The following TYMS variants were observed in gnomAD, a reference collection of about 807,000 sequenced individuals.
The protein encoded by TYMS is thymidylate synthetase, also known as thymidylate synthase.
Under a neutral mutation model 39.3 loss-of-function variants are expected in TYMS, and 21 were observed. The observed-to-expected ratio is 0.54, with a 90% CI of 0.38 to 0.77. The LOEUF (loss-of-function observed/expected upper bound fraction) is 0.77, where lower values mean the gene tolerates loss of function less well. Ranked by LOEUF, TYMS falls within the 30% of genes least tolerant of loss-of-function variation. The pLI is 0.00. For missense variants in TYMS, 273 were observed against 406.7 expected, an observed-to-expected ratio of 0.67 and a Z score of 2.83; for synonymous variants, 171 against 162.2, an observed-to-expected ratio of 1.05 and a Z score of -0.41.
chr18:673,300 C>A lies in TYMS; in HGVS notation c.*303C>A. 4.0e-6 allele frequency: 1 copy of A among 250,232 alleles called. No homozygotes were observed. The highest frequency in any genetic ancestry group is 6.0e-5 in the East Asian group (1 of 16,574). The allele number at this position is 250,232 out of a possible 1,614,324, so 15.5% of individuals were successfully genotyped here. On this transcript the variant is annotated 3_prime_UTR_variant, in exon 7 of 7. Transcript: ENST00000323274. ...AACATGTATGTGCATTTCAATCCCA[C>A]GTACTTATAAAGAAGGTTGGTGAAT...
At chr18:666,963 A>ATGGT (rs2074840641) in intron 3 of TYMS, among the ~76,000 whole-genome samples, 8 of 15,912 alleles carry the variant, frequency 5.0e-4, no homozygotes, top group East Asian at 2.7e-3. Context: ...ATGGAGATGG[A>ATGGT]GATGGTGATG....
At chr18:662,381 C>T (rs1417025488) in intron 3 of TYMS, 61 bp downstream of exon 3, 40 of 1,474,158 alleles carry the variant, frequency 2.7e-5, no homozygotes, top group South Asian at 6.7e-5. Context: ...GTGTTTGCTC[C>T]GTTGTTTTAG....
intron 2 of TYMS, among the ~76,000 whole-genome samples, chr18:661,891 A>T (rs1274600665): frequency 6.6e-6 from 1 of 152,258 alleles, no homozygotes. Context: ...AGGCTGAGGC[A>T]GGGGAATCGC....
chr18:668,606 T>G (rs548541784), intron 3 of TYMS, among the ~76,000 whole-genome samples: 52 of 152,354 alleles, frequency 3.4e-4, no homozygotes, highest in African/African-American at 9.4e-4. Context: ...GGTCCTCTGT[T>G]AGTTGGAAAG....
At chr18:659,775 T>G in intron 2 of TYMS, 61 bp downstream of exon 2, 1 of 1,457,408 alleles carries the variant, frequency 6.9e-7, no homozygotes, top group Non-Finnish European at 9.6e-7. Context: ...GCCAGTGAGA[T>G]CCTTTCAAAA....
intron 6 of TYMS, 36 bp from the exon 7 acceptor site, chr18:672,824 A>C: frequency 6.5e-7 from 1 of 1,541,502 alleles, no homozygotes; most frequent in Non-Finnish European, 8.9e-7. Flanking sequence ...CAGGTCGTAC[A>C]ATTATGGCAA....
At chr18:672,284 G>A (rs1329034091) in intron 6 of TYMS, 1 of 152,240 alleles carries the variant, frequency 6.6e-6, no homozygotes, top group Non-Finnish European at 1.5e-5. Context: ...GGTTTTAAAA[G>A]TTACTCCTTT....
At chr18:668,915 C>T (rs545918471) in intron 3 of TYMS, among the ~76,000 whole-genome samples, 157 bp from the exon 4 acceptor site, 7 of 152,230 alleles carry the variant, frequency 4.6e-5, no homozygotes, top group East Asian at 3.9e-4. Flanking sequence ...CTCAACCCAC[C>T]GAGATCTGCA....
At chr18:662,100 T>C (rs1282627878) in intron 2 of TYMS, 46 bp from the exon 3 acceptor site, 2 of 1,551,626 alleles carry the variant, frequency 1.3e-6, no homozygotes, top group African/African-American at 2.8e-5. Context: ...CTGAGATGGC[T>C]TAGGATTTAC....
At position 657,887 on chromosome 18, in the gene TYMS, G is replaced by T; in HGVS notation, c.145G>T (p.Asp49Tyr). The T allele has an allele frequency of 6.6e-7, 1 of 1,512,152 alleles. No homozygotes were observed. The highest frequency in any genetic ancestry group is 1.4e-5 in the South Asian group (1 of 73,992). The allele number at this position is 1,512,152 out of a possible 1,614,324, so 93.7% of individuals were successfully genotyped here. The change falls in exon 1 of 7, where the codon GAC becomes TAC. Residue 49 changes from aspartate (D) to tyrosine (Y), a missense_variant. Physicochemically the swap from Asp to Tyr is radical, Grantham distance 160. Coordinates refer to ENST00000323274, the MANE Select transcript of TYMS (RefSeq NM_001071.4). ...HILRCGVRKD[D>Y]RTGTGTLSVF... ...CCTCCGCTGCGGCGTCAGGAAGGAC[G>T]ACCGCACGGGCACCGGCACCCTGTC...
chr18:673,035 T>TA lies in TYMS; in HGVS notation c.*38_*39insA. 1 of 1,486,250 alleles carries TA rather than the reference T, an allele frequency of 6.7e-7. No individual in the cohort carries two copies. Among genetic ancestry groups the TA allele is most frequent in the Non-Finnish European group, 9.1e-7 (1 of 1,099,818 alleles). 92.1% of individuals were successfully genotyped at this position (1,486,250 alleles called of 1,614,324 possible). On this transcript the variant is annotated 3_prime_UTR_variant, in exon 7 of 7. Transcript: ENST00000323274. ...GGAGCTCGAAGGATATTGTCAGTCT[T>TA]TAGGGGTTGGGCTGGATGCCGAGGT...
chr18:666,919 G>GGC, intron 3 of TYMS, among the ~76,000 whole-genome samples: 1 of 71,722 alleles, frequency 1.4e-5, no homozygotes, highest in African/African-American at 4.3e-5. Context: ...TGATGGTGAT[G>GGC]GAGATGGTGA....
In TYMS at chr18:662,218, T is replaced by C. The variant is rs2074763257; in HGVS notation, c.352T>C (p.Leu118=). The C allele has an allele frequency of 1.2e-6, 2 of 1,614,058 alleles. No individual in the cohort carries two copies. The highest frequency in any genetic ancestry group is 2.2e-5 in the East Asian group (1 of 44,856). Residue 118 remains leucine (L), a synonymous_variant, in exon 3 of 7, where the codon TTG becomes CTG. Transcript: ENST00000323274. ...GGATGCCAATGGATCCCGAGACTTT[T>C]TGGACAGCCTGGGATTCTCCACCAG... is the stretch of plus-strand genomic sequence containing the variant. ...IWDANGSRDF[L]DSLGFSTREE...
In TYMS at chr18:670,526, G is replaced by A. The variant is rs974870664; in HGVS notation, c.557-166G>A. 73 of 665,418 alleles carry A rather than the reference G, an allele frequency of 1.1e-4. 1 individual carries two copies. In the South Asian group the frequency reaches 1.3e-3, roughly 12 times the overall value. 41.2% of individuals were successfully genotyped at this position (665,418 alleles called of 1,614,324 possible). ...CCGATGGATAGTCTCCCTCAGCTCC[G>A]TGCCATCGCTGCAGAGGCTGTTATG... On this transcript the variant is annotated intron_variant, in intron 4 of 6. Transcript: ENST00000323274.
At position 672,880 on chromosome 18, in the gene TYMS, T is replaced by G; in HGVS notation, c.825T>G (p.Pro275=). The G allele has an allele frequency of 1.3e-6, 2 of 1,585,632 alleles. No individual in the cohort carries two copies. Among genetic ancestry groups the G allele is most frequent in the Admixed American group, 1.7e-5 (1 of 59,698 alleles). ...TTTAGCTTCAGCGAGAACCCAGACC[T>G]TTCCCAAAGCTCAGGATTCTTCGAA... is the stretch of plus-strand genomic sequence containing the variant. ...LKIQLQREPR[P]FPKLRILRKV... is the part of the protein sequence containing the mutation. The change falls in exon 7 of 7, where the codon CCT becomes CCG. Residue 275 remains proline (P), a synonymous_variant. Transcript: ENST00000323274.
chr18:658,372 C>T lies in TYMS; in HGVS notation c.205+425C>T. The T allele has an allele frequency of 1.6e-6, 2 of 1,279,416 alleles. No individual in the cohort carries two copies. The highest frequency in any genetic ancestry group is 2.0e-6 in the Non-Finnish European group (2 of 983,286). The allele number at this position is 1,279,416 out of a possible 1,614,324, so 79.3% of individuals were successfully genotyped here. A position where few individuals can be genotyped will look rare whatever the true frequency, so the allele number is the denominator to read the frequency against. On this transcript the variant is annotated intron_variant, in intron 1 of 6. Coordinates refer to ENST00000323274, the MANE Select transcript of TYMS (RefSeq NM_001071.4). The surrounding 1 kb of genome is among the most constrained non-coding windows in gnomAD (Gnocchi z 4.5). ...CCCTGTGGACCATTCCGCTTCGCAG[C>T]GTTTTCAAAAACTGGAGCGAAAGTG...
chr18:670,061 T>TTTTTTTTTTTTTTTTTTTGTTTTCCAG (rs2074966373), intron 4 of TYMS, among the ~76,000 whole-genome samples: 1 of 125,422 alleles, frequency 8.0e-6, no homozygotes, highest in African/African-American at 3.3e-5. Flanking sequence ...TTTTTTTTTT[T>TTTTTTTTTTTTTTTTTTTGTTTTCCAG]GAGACACAGT....
chr18:662,060 C>CCCTT, intron 2 of TYMS, 86 bp from the exon 3 acceptor site: 3 of 1,406,084 alleles, frequency 2.1e-6, no homozygotes, highest in Non-Finnish European at 2.9e-6. Flanking sequence ...GGGCCAGAGG[C>CCCTT]CCTTGTAAGT....
In TYMS at chr18:673,160, A is replaced by T; in HGVS notation, c.*163A>T. On this transcript the variant is annotated 3_prime_UTR_variant, in exon 7 of 7. Transcript: ENST00000323274. ...TAAGGATGTTGCCACTGGCAAATGT[A>T]ACTGTGCCAGTTCTTTCCATAATAA... The T allele has an allele frequency of 1.4e-6, 1 of 693,764 alleles. No homozygotes were observed. The highest frequency in any genetic ancestry group is 2.2e-6 in the Non-Finnish European group (1 of 453,806). The allele number at this position is 693,764 out of a possible 1,614,324, so 43.0% of individuals were successfully genotyped here.
Sources: gnomAD v4.1 joint callset for allele counts (sites outside exome capture counted in the v4.1 genomes callset) on GRCh38, gnomAD v4.1.1 for gene constraint, Gnocchi (gnomAD v3.1) non-coding constraint, MANE v1.5 for transcripts, NCBI Gene and HGNC (gene_info 2026-07-23, HGNC 2026-07-21) for gene names.